The following EPHA6 variants were observed in gnomAD, a reference collection of about 807,000 sequenced individuals.
EPHA6 encodes the protein ephrin type-A receptor 6.
A neutral mutation model predicts 112.0 loss-of-function variants in EPHA6; 50 were observed. That is an observed-to-expected ratio of 0.45 (90% CI 0.36 to 0.56). The LOEUF is 0.56. EPHA6 is among the 20% of genes least tolerant of loss of function. The pLI, the probability that EPHA6 is intolerant of heterozygous loss-of-function variation, is 0.00. For missense variants in EPHA6, 1,280 were observed against 1,417.4 expected (o/e 0.90, Z 1.56); for synonymous variants, 529 against 490.7 (o/e 1.08, Z -1.03).
At chr3:97,377,981 A>C (rs1015195890) in intron 5 of EPHA6, among the ~76,000 whole-genome samples, 1 of 152,254 alleles carries the variant, frequency 6.6e-6, no homozygotes, top group African/African-American at 2.4e-5. Context: ...AAATATTTGC[A>C]TAAGTAATGA....
intron 2 of EPHA6, among the ~76,000 whole-genome samples, chr3:96,893,595 A>G (rs988647333): frequency 1.3e-5 from 2 of 152,196 alleles, no homozygotes; most frequent in Admixed American, 6.5e-5. Context: ...ATGATCTTGA[A>G]TGACAAGAAC....
At chr3:97,365,679 T>A (rs949484340) in intron 5 of EPHA6, among the ~76,000 whole-genome samples, 16 of 152,182 alleles carry the variant, frequency 1.1e-4, no homozygotes, top group African/African-American at 3.9e-4. Flanking sequence ...TCAGCCACCG[T>A]GCCCAGCCAG....
chr3:97,378,759 G>A (rs1165475226), intron 5 of EPHA6, among the ~76,000 whole-genome samples: 2 of 151,974 alleles, frequency 1.3e-5, no homozygotes, highest in Admixed American at 6.6e-5. Context: ...CATTTGTTTT[G>A]GCCAATTTCT....
intron 2 of EPHA6, among the ~76,000 whole-genome samples, chr3:96,916,527 T>C (rs2039489970): frequency 6.6e-6 from 1 of 152,052 alleles, no homozygotes; most frequent in South Asian, 2.1e-4. Flanking sequence ...TTGAAAGTAA[T>C]GGCAAATCCA....
Position 96,977,507 on chromosome 3 carries a change from A to G in EPHA6, c.451-9823A>G, listed in dbSNP as rs181836827. On this transcript the variant is annotated intron_variant, in intron 2 of 17. Transcript: ENST00000389672. ...TAATAAAATTATACTTGTATTCTAT[A>G]CATTTATACAAGTAACAAAAGATTT... 3.2e-3 allele frequency among the ~76,000 whole-genome samples: 485 copies of G among 152,338 alleles called. 2 individuals are homozygous for G. The highest frequency in any genetic ancestry group is 5.5e-3 in the Non-Finnish European group (376 of 68,030).
rs1397778767 is a variant in EPHA6 at position 97,752,794 on chromosome 3, A to T, written c.*4093A>T. On this transcript the variant is annotated 3_prime_UTR_variant, in exon 18 of 18. Transcript: ENST00000389672. Reference sequence around the variant, plus strand: ...TAAGGAAGTTTATTATTAATATTTTAAAAATTAGTATTTTAAGATCAATAT... The same window carrying T: ...TAAGGAAGTTTATTATTAATATTTTTAAAATTAGTATTTTAAGATCAATAT... Among the ~76,000 whole-genome samples the T allele has an allele frequency of 1.3e-5, 2 of 152,172 alleles. No individual in the cohort carries two copies. Among genetic ancestry groups the T allele is most frequent in the African/African-American group, 2.4e-5 (1 of 41,562 alleles).
chr3:97,075,224 ATTTCATATCTAGATTG>A (rs2046478785), intron 3 of EPHA6, among the ~76,000 whole-genome samples: 1 of 152,006 alleles, frequency 6.6e-6, no homozygotes, highest in South Asian at 2.1e-4. Context: ...CATATAGAAT[ATTTCATATCTAGATTG>A]TTTTTGTCAA....
chr3:97,573,117 C>G (rs905890268), intron 11 of EPHA6, among the ~76,000 whole-genome samples: 1 of 152,168 alleles, frequency 6.6e-6, no homozygotes, highest in Non-Finnish European at 1.5e-5. Flanking sequence ...AAGAATAATG[C>G]TAAACTCTTA....
intron 11 of EPHA6, among the ~76,000 whole-genome samples, chr3:97,565,711 G>A (rs1577798066): frequency 6.6e-6 from 1 of 152,024 alleles, no homozygotes; most frequent in Non-Finnish European, 1.5e-5. Context: ...ATCTGAGACA[G>A]GTAATTGATA....
intron 2 of EPHA6, among the ~76,000 whole-genome samples, chr3:96,870,650 C>A (rs1313004180): frequency 6.6e-6 from 1 of 152,052 alleles, no homozygotes; most frequent in African/African-American, 2.4e-5. Context: ...ATAAACATGT[C>A]ATTCATGTGT....
chr3:96,832,641 A>G (rs1209684570), intron 1 of EPHA6, among the ~76,000 whole-genome samples: 1 of 152,052 alleles, frequency 6.6e-6, no homozygotes, highest in Admixed American at 6.6e-5. Flanking sequence ...ATTGTGCCCA[A>G]TATTGGTTTG....
intron 3 of EPHA6, among the ~76,000 whole-genome samples, chr3:97,094,198 T>C (rs2047166646): frequency 6.6e-6 from 1 of 152,202 alleles, no homozygotes; most frequent in Non-Finnish European, 1.5e-5. Flanking sequence ...ATGTTGATTA[T>C]GTTATGTTTA....
chr3:97,411,261 A>T (rs2107120693), intron 6 of EPHA6, among the ~76,000 whole-genome samples: 1 of 152,168 alleles, frequency 6.6e-6, no homozygotes, highest in Middle Eastern at 3.4e-3. Flanking sequence ...TAGTAAGCCC[A>T]GGGAGGACCA....
intron 6 of EPHA6, among the ~76,000 whole-genome samples, chr3:97,407,559 T>A (rs2087437188): frequency 6.6e-6 from 1 of 151,972 alleles, no homozygotes; most frequent in Non-Finnish European, 1.5e-5. Flanking sequence ...TGGGTTATAA[T>A]TAGTTAGATA....
chr3:96,873,430 C>T (rs558940119), intron 2 of EPHA6, among the ~76,000 whole-genome samples: 5 of 152,172 alleles, frequency 3.3e-5, no homozygotes, highest in Admixed American at 1.3e-4. Context: ...TTTGCTGGAC[C>T]AGGCAAAATA....
intron 10 of EPHA6, among the ~76,000 whole-genome samples, chr3:97,497,291 A>T (rs113666916): frequency 9.9e-5 from 15 of 152,188 alleles, no homozygotes; most frequent in African/African-American, 3.6e-4. Context: ...ATTCTTCCTC[A>T]ACTTTCTACA....
intron 9 of EPHA6, 54 bp from the exon 10 acceptor site, chr3:97,483,880 A>G: frequency 3.3e-6 from 5 of 1,535,106 alleles, no homozygotes; most frequent in Admixed American, 4.1e-5. Context: ...TTCACAAGAT[A>G]TAGACCACTG....
chr3:97,200,645 T>C (rs573441677), intron 3 of EPHA6, among the ~76,000 whole-genome samples: 1 of 152,194 alleles, frequency 6.6e-6, no homozygotes, highest in South Asian at 2.1e-4. Flanking sequence ...CCCAGATTCT[T>C]AGTATAGTTT....
intron 3 of EPHA6, among the ~76,000 whole-genome samples, chr3:97,167,148 G>A (rs545013925): frequency 5.9e-5 from 9 of 152,190 alleles, no homozygotes; most frequent in African/African-American, 2.2e-4. Flanking sequence ...TTATATTAAA[G>A]CAATACAGTA....
Sources: gnomAD v4.1 joint callset for allele counts (sites outside exome capture counted in the v4.1 genomes callset) on GRCh38, gnomAD v4.1.1 for gene constraint, MANE v1.5 for transcripts, NCBI Gene and HGNC (gene_info 2026-07-23, HGNC 2026-07-21) for gene names.